The following STAG2 variants were observed in gnomAD, a reference collection of about 807,000 sequenced individuals.
STAG2 encodes STAG2 cohesin complex component, also known as cohesin subunit SA-2.
In STAG2, 14 loss-of-function variants were observed where a neutral mutation model predicts 108.1. The observed-to-expected ratio is 0.13, with a 90% CI of 0.09 to 0.20. The LOEUF (loss-of-function observed/expected upper bound fraction) is 0.20. Among genes scored for constraint, STAG2 ranks in the 10% least tolerant of loss-of-function variants. The pLI, the probability that STAG2 is intolerant of heterozygous loss-of-function variation, is 1.00. For synonymous variants in STAG2, 307 were observed against 302.7 expected, an observed-to-expected ratio of 1.01 and a Z score of -0.15; for missense variants, 440 against 940.9, an observed-to-expected ratio of 0.47 and a Z score of 6.96.
chrX:124,088,180 CTCTT>C (rs1360714337), intron 30 of STAG2, among the ~76,000 whole-genome samples: 2 of 110,414 alleles, frequency 1.8e-5, no homozygotes, highest in African/African-American at 3.3e-5. Flanking sequence ...ATCTCTCTCT[CTCTT>C]TTTTTTTAGA....
At chrX:123,964,428 G>A (rs1161888812) in intron 1 of STAG2, among the ~76,000 whole-genome samples, 2 of 111,766 alleles carry the variant, frequency 1.8e-5, no homozygotes, top group Non-Finnish European at 3.8e-5. Context: ...TCTGCTTAGT[G>A]TCTATTTCAT....
In STAG2 at chrX:124,101,950, CTA is replaced by C; in HGVS notation, c.*1355_*1356del. ...TAACTTATATTACATGTGTATCTAT[CTA>C]TTGTCAGTCGTCTCTCAGTTCTTGA... On this transcript the variant is annotated 3_prime_UTR_variant, in exon 35 of 35. Coordinates refer to ENST00000371145, the MANE Select transcript of STAG2 (RefSeq NM_001042750.2). 6.2e-6 allele frequency: 1 copy of C among 160,205 alleles called. No homozygotes were observed. The highest frequency in any genetic ancestry group is 8.3e-5 in the Admixed American group (1 of 12,047). 13.2% of individuals were successfully genotyped at this position (160,205 alleles called of 1,213,427 possible). A position where few individuals can be genotyped will look rare whatever the true frequency, so the allele number is the denominator to read the frequency against.
intron 28 of STAG2, among the ~76,000 whole-genome samples, chrX:124,082,249 C>T (rs934884473): frequency 2.7e-5 from 3 of 111,474 alleles, no homozygotes; most frequent in Non-Finnish European, 5.6e-5. Context: ...TGATCCACAC[C>T]CTTCTTTCCA....
chrX:124,042,255 G>C (rs1346262441), intron 6 of STAG2, among the ~76,000 whole-genome samples: 1 of 111,091 alleles, frequency 9.0e-6, no homozygotes, highest in African/African-American at 3.3e-5. Context: ...TTATGTTAAA[G>C]AGACAAAGCC....
At chrX:124,031,568 G>GT (rs1263187128) in intron 5 of STAG2, among the ~76,000 whole-genome samples, 2 of 102,899 alleles carry the variant, frequency 1.9e-5, no homozygotes, top group Non-Finnish European at 2.0e-5. Flanking sequence ...TTGTTTTTTT[G>GT]TTTTTTTGTT....
intron 24 of STAG2, among the ~76,000 whole-genome samples, chrX:124,069,121 A>G (rs187121241): frequency 9.0e-6 from 1 of 111,620 alleles, no homozygotes; most frequent in Admixed American, 9.6e-5. Flanking sequence ...CTGTCTTCCA[A>G]GTGTTACCTT....
chrX:124,035,675 A>G (rs936735164), intron 5 of STAG2, among the ~76,000 whole-genome samples: 5 of 112,121 alleles, frequency 4.5e-5, no homozygotes, highest in Non-Finnish European at 9.4e-5. Flanking sequence ...TTCTTTACTC[A>G]TGTTTAGTGC....
At chrX:124,023,499 T>C (rs1040945639) in intron 3 of STAG2, among the ~76,000 whole-genome samples, 4 of 111,781 alleles carry the variant, frequency 3.6e-5, no homozygotes, top group African/African-American at 1.3e-4. Context: ...ATGAATCTTC[T>C]GGGACCAAAT....
At chrX:124,013,768 C>G (rs1036873046) in intron 1 of STAG2, among the ~76,000 whole-genome samples, 6 of 110,799 alleles carry the variant, frequency 5.4e-5, no homozygotes, top group African/African-American at 2.0e-4. Flanking sequence ...GGGCAGGATT[C>G]CAGTACCAGA....
At chrX:123,974,217 A>T (rs2054508880) in intron 1 of STAG2, among the ~76,000 whole-genome samples, 2 of 107,596 alleles carry the variant, frequency 1.9e-5, no homozygotes, top group South Asian at 8.5e-4. Flanking sequence ...GCCCATGATC[A>T]TCTTTTCTTT....
intron 5 of STAG2, among the ~76,000 whole-genome samples, chrX:124,033,348 CCTT>C (rs2057404042): frequency 8.9e-6 from 1 of 111,952 alleles, no homozygotes; most frequent in Admixed American, 9.5e-5. Context: ...TCATTACTTT[CCTT>C]CTTTTTTTTG....
chrX:124,022,452 A>G (rs758801938), intron 2 of STAG2, 79 bp from the exon 3 acceptor site: 1 of 390,025 alleles, frequency 2.6e-6, no homozygotes, highest in East Asian at 4.7e-5. Context: ...GCACTGGGGA[A>G]TTTAACTTTT....
At chrX:124,089,395 G>T (rs745562229) in intron 30 of STAG2, among the ~76,000 whole-genome samples, 1 of 112,062 alleles carries the variant, frequency 8.9e-6, no homozygotes, top group South Asian at 3.7e-4. Context: ...TTTTGCAGGT[G>T]TGAAACCTTT....
At chrX:124,059,054 C>T (rs771492379) in intron 15 of STAG2, among the ~76,000 whole-genome samples, 13 of 111,358 alleles carry the variant, frequency 1.2e-4, no homozygotes, top group East Asian at 5.6e-4. Context: ...CGGTGGCTGA[C>T]GCCTGTACTC....
intron 1 of STAG2, among the ~76,000 whole-genome samples, chrX:124,005,537 A>T (rs1569500295): frequency 8.9e-6 from 1 of 111,755 alleles, no homozygotes; most frequent in Non-Finnish European, 1.9e-5. Flanking sequence ...TGACATTTTC[A>T]TGGAGTCATA....
In STAG2 at chrX:124,030,949, T is replaced by A. The variant is rs1315126700; in HGVS notation, c.124-12T>A. On this transcript the variant is annotated splice_polypyrimidine_tract_variant and intron_variant, in intron 4 of 34. Coordinates refer to ENST00000371145, the MANE Select transcript of STAG2 (RefSeq NM_001042750.2). ...AGTGATATAACTTAACCACCTCGTA[T>A]TTTTTATGCAGACTTGTAAAAAAGG... 1 of 1,185,540 alleles carries A rather than the reference T, an allele frequency of 8.4e-7. No individual in the cohort carries two copies. Among genetic ancestry groups the A allele is most frequent in the South Asian group, 1.9e-5 (1 of 51,980 alleles).
intron 29 of STAG2, among the ~76,000 whole-genome samples, chrX:124,085,277 A>C (rs1261187691): frequency 1.8e-5 from 2 of 111,511 alleles, no homozygotes; most frequent in African/African-American, 6.5e-5. Flanking sequence ...AGGAAGCAAA[A>C]TGGGGATAGC....
At chrX:123,973,820 GACA>G (rs2054489390) in intron 1 of STAG2, among the ~76,000 whole-genome samples, 2 of 106,084 alleles carry the variant, frequency 1.9e-5, no homozygotes, top group Admixed American at 1.0e-4. Context: ...CTCCAGCCTG[GACA>G]ACAAGAGTGA....
At chrX:123,975,187 G>A (rs751481015) in intron 1 of STAG2, among the ~76,000 whole-genome samples, 2 of 111,285 alleles carry the variant, frequency 1.8e-5, no homozygotes, top group East Asian at 5.6e-4. Context: ...ATAAAGATAG[G>A]AAAATGAACC....
Sources: allele counts gnomAD v4.1 joint callset (sites outside exome capture counted in the v4.1 genomes callset), GRCh38; gene constraint gnomAD v4.1.1; transcripts MANE v1.5; gene names NCBI Gene and HGNC (gene_info 2026-07-23, HGNC 2026-07-21).